Variants in DIXDC1 observed in about 807,000 individuals in gnomAD.
DIXDC1 encodes dixin.
In DIXDC1, 64 loss-of-function variants were observed where a neutral mutation model predicts 103.1. The observed-to-expected ratio is 0.62, with a 90% CI of 0.51 to 0.76. DIXDC1 has a LOEUF of 0.76. DIXDC1 is among the 30% of genes least tolerant of loss of function. The pLI is 0.00. For missense variants in DIXDC1, 759 were observed against 834.2 expected (o/e 0.91, Z 1.11); for synonymous variants, 266 against 298.5 (o/e 0.89, Z 1.12).
chr11:111,992,623 C>T, intron 11 of DIXDC1, 104 bp downstream of exon 11: 1 of 1,002,160 alleles, frequency 1.0e-6, no homozygotes, highest in African/African-American at 1.6e-5. Context: ...TATCTTGCTT[C>T]TGGGATGCCT....
chr11:111,962,046 C>A (rs1342486391), intron 1 of DIXDC1, among the ~76,000 whole-genome samples: 2 of 152,110 alleles, frequency 1.3e-5, no homozygotes, highest in African/African-American at 2.4e-5. Flanking sequence ...CTTGTTGTAG[C>A]CTCATAACTG....
intron 1 of DIXDC1, among the ~76,000 whole-genome samples, chr11:111,955,049 C>T (rs73560078): frequency 0.026 from 3,903 of 152,070 alleles, 184 homozygotes; most frequent in African/African-American, 0.089. Flanking sequence ...AATATTACCT[C>T]GGTAGCAGTG....
rs944775590 is a variant in DIXDC1 at position 111,974,879 on chromosome 11, C to T, written c.552C>T (p.Asn184=). 2 of 1,613,238 alleles carry T rather than the reference C, an allele frequency of 1.2e-6. No homozygotes were observed. Among genetic ancestry groups the T allele is most frequent in the Admixed American group, 1.7e-5 (1 of 59,930 alleles). Residue 184 remains asparagine, a synonymous_variant, in exon 5 of 20, where the codon AAC becomes AAT. Transcript: ENST00000440460. ...GRDVFRYRQR[N]SSMDEEIENP... The stretch of plus-strand genomic sequence containing the variant: ...TGCTGGGGTCCTTTGACTTTAGGAA[C>T]AGCAGCATGGATGAGGAAATTGAGA...
chr11:111,995,297 C>T, intron 15 of DIXDC1, 106 bp from the exon 16 acceptor site: 2 of 1,485,326 alleles, frequency 1.3e-6, no homozygotes, highest in Non-Finnish European at 1.8e-6. Flanking sequence ...AGGCCTGCTT[C>T]TGTGGGGGAA....
chr11:112,017,958 T>C lies in DIXDC1; in HGVS notation c.1971+73T>C. 1 of 1,244,384 alleles carries C rather than the reference T, an allele frequency of 8.0e-7. No homozygotes were observed. The allele number at this position is 1,244,384 out of a possible 1,614,324, so 77.1% of individuals were successfully genotyped here. The stretch of plus-strand genomic sequence containing the variant: ...ACCCTGAAGCCTCCTGTTCAAGCAC[T>C]AGTGTCCAGAAGTACATGAGTTCCC... On this transcript the variant is annotated intron_variant, in intron 19 of 19. Transcript: ENST00000440460. The surrounding 1 kb of genome is among the most constrained non-coding windows in gnomAD (Gnocchi z 4.0).
At chr11:111,983,038 C>T (rs1222553144) in intron 7 of DIXDC1, among the ~76,000 whole-genome samples, 2 of 152,342 alleles carry the variant, frequency 1.3e-5, no homozygotes, top group Non-Finnish European at 2.9e-5. Context: ...ACCTGTAGTG[C>T]CAGCTCGGCA....
intron 17 of DIXDC1, among the ~76,000 whole-genome samples, chr11:112,008,798 T>C (rs1555176943): frequency 6.6e-6 from 1 of 152,138 alleles, no homozygotes; most frequent in African/African-American, 2.4e-5. Flanking sequence ...CTGAGACACA[T>C]TTAAAGCAGT....
intron 3 of DIXDC1, among the ~76,000 whole-genome samples, chr11:111,968,888 C>T (rs782507493): frequency 1.3e-4 from 20 of 152,062 alleles, no homozygotes; most frequent in Non-Finnish European, 1.6e-4. Flanking sequence ...GATTCTCCTG[C>T]CTCAGCCTCC....
rs147842594 is a variant in DIXDC1 at position 111,976,036 on chromosome 11, C to T, written c.656+1053C>T. Reference sequence around the variant, plus strand: ...TAGTATCTTCATAATGTGGTGCGACCATCACCTCTATCCACTCAGAAGACA... The same window carrying T: ...TAGTATCTTCATAATGTGGTGCGACTATCACCTCTATCCACTCAGAAGACA... On this transcript the variant is annotated intron_variant, in intron 5 of 19. Transcript: ENST00000440460. The surrounding 1 kb of genome is among the most constrained non-coding windows in gnomAD (Gnocchi z 4.3). 1.9e-6 allele frequency: 1 copy of T among 523,066 alleles called. No homozygotes were observed. Among genetic ancestry groups the T allele is most frequent in the African/African-American group, 2.1e-5 (1 of 48,284 alleles). The allele number at this position is 523,066 out of a possible 1,614,324, so 32.4% of individuals were successfully genotyped here.
chr11:111,939,744 T>C (rs1555168625), intron 1 of DIXDC1, among the ~76,000 whole-genome samples: 1 of 152,242 alleles, frequency 6.6e-6, no homozygotes, highest in East Asian at 1.9e-4. Flanking sequence ...AATAATAGTG[T>C]AATTGGTTAT....
intron 4 of DIXDC1, 135 bp from the exon 5 acceptor site, chr11:111,974,741 A>G (rs1860042561): frequency 6.9e-7 from 1 of 1,455,948 alleles, no homozygotes; most frequent in South Asian, 1.4e-5. Context: ...CTAGGTACCA[A>G]GTGTCTTTGA....
intron 10 of DIXDC1, among the ~76,000 whole-genome samples, 199 bp downstream of exon 10, chr11:111,989,254 G>C (rs1555174230): frequency 6.6e-6 from 1 of 152,118 alleles, no homozygotes; most frequent in African/African-American, 2.4e-5. Context: ...TAGTAGTTAT[G>C]ATTCATGTTG....
intron 17 of DIXDC1, among the ~76,000 whole-genome samples, chr11:112,000,334 A>G (rs1555175855): frequency 6.6e-6 from 1 of 152,200 alleles, no homozygotes; most frequent in African/African-American, 2.4e-5. Flanking sequence ...CTTACAACTC[A>G]ACAGCAAAAG....
intron 1 of DIXDC1, among the ~76,000 whole-genome samples, chr11:111,950,867 C>T (rs1966782339): frequency 6.6e-6 from 1 of 152,134 alleles, no homozygotes; most frequent in Admixed American, 6.5e-5. Flanking sequence ...TTTATCCTTT[C>T]TTTGTGTTAC....
At chr11:111,959,646 T>G (rs1446590511) in intron 1 of DIXDC1, among the ~76,000 whole-genome samples, 2 of 152,244 alleles carry the variant, frequency 1.3e-5, no homozygotes, top group East Asian at 3.8e-4. Flanking sequence ...TGGCCAGGTT[T>G]CCAGCTAGCA....
At position 111,937,556 on chromosome 11, in the gene DIXDC1, T is replaced by C. The variant is rs1555168369; in HGVS notation, c.57T>C (p.Asn19=). 1.3e-6 allele frequency: 2 copies of C among 1,591,222 alleles called. No individual in the cohort carries two copies. The highest frequency in any genetic ancestry group is 1.7e-6 in the Non-Finnish European group (2 of 1,169,254). ...NLLDVLQEGF[N]EQQLQAYVAW... is the part of the protein sequence containing the mutation. ...TGGACGTCCTGCAGGAGGGCTTCAA[T>C]GAGGTAACTGTCCTGCTCCTCCCAC... Residue 19 remains asparagine (N), a synonymous_variant, in exon 1 of 20, where the codon AAT becomes AAC. Transcript: ENST00000440460.
At chr11:111,997,219 A>G (rs376613441) in intron 17 of DIXDC1, among the ~76,000 whole-genome samples, 20 of 152,388 alleles carry the variant, frequency 1.3e-4, no homozygotes, top group East Asian at 7.7e-4. Flanking sequence ...AAATACTTGC[A>G]AAAATATGAA....
At chr11:111,953,222 G>A (rs587622178) in intron 1 of DIXDC1, among the ~76,000 whole-genome samples, 1 of 152,292 alleles carries the variant, frequency 6.6e-6, no homozygotes. Flanking sequence ...ATGTGGGATA[G>A]GGTGCGGAGA....
intron 3 of DIXDC1, among the ~76,000 whole-genome samples, chr11:111,969,887 A>G (rs1386470664): frequency 6.6e-6 from 1 of 152,012 alleles, no homozygotes; most frequent in Non-Finnish European, 1.5e-5. Context: ...CAAGAGAAAG[A>G]AATAAAAGGC....
Sources: allele counts gnomAD v4.1 joint callset (sites outside exome capture counted in the v4.1 genomes callset), GRCh38; gene constraint gnomAD v4.1.1; non-coding constraint Gnocchi (gnomAD v3.1); transcripts MANE v1.5; gene names NCBI Gene and HGNC (gene_info 2026-07-23, HGNC 2026-07-21).